Variants in RANBP2 observed in about 807,000 individuals in gnomAD.
RANBP2 encodes RAN binding protein 2.
RANBP2 carries 57 observed loss-of-function variants against 303.6 expected under a neutral mutation model. The observed-to-expected ratio is 0.19, with a 90% CI of 0.15 to 0.23. The LOEUF is 0.23. Ranked by LOEUF, RANBP2 falls within the 10% of genes least tolerant of loss-of-function variation. RANBP2 has a pLI of 1.00. For missense variants in RANBP2, 3,138 were observed against 3,780.8 expected (o/e 0.83, Z 4.46); for synonymous variants, 1,167 against 1,301.5 (o/e 0.90, Z 2.23).
At chr2:109,498,192 C>T in the RANBP2 span, among the ~76,000 whole-genome samples, 70 of 152,280 alleles carry the variant, frequency 4.6e-4, no homozygotes, top group Non-Finnish European at 8.2e-4. Context: ...GAGTCTGGTT[C>T]GCCGGCAGAT....
At chr2:109,163,430 G>C in the RANBP2 span, among the ~76,000 whole-genome samples, 2 of 105,802 alleles carry the variant, frequency 1.9e-5, no homozygotes, top group Non-Finnish European at 1.7e-5. Context: ...ACGGAGTCTC[G>C]CTCTGTCGCC....
At chr2:108,870,680 A>G in the RANBP2 span, among the ~76,000 whole-genome samples, 1 of 152,254 alleles carries the variant, frequency 6.6e-6, no homozygotes, top group African/African-American at 2.4e-5. Flanking sequence ...ATGCTACAGA[A>G]TGGATGAACC....
At chr2:109,306,814 T>A in the RANBP2 span, among the ~76,000 whole-genome samples, 1 of 152,188 alleles carries the variant, frequency 6.6e-6, no homozygotes, top group African/African-American at 2.4e-5. Flanking sequence ...TGATTACGTA[T>A]TTCCTAGGTT....
chr2:109,413,651 C>A, the RANBP2 span, among the ~76,000 whole-genome samples: 2 of 152,216 alleles, frequency 1.3e-5, no homozygotes, highest in African/African-American at 4.8e-5. Flanking sequence ...CCCCCACATT[C>A]CCCTCCCTAT....
chr2:109,538,900 T>C, the RANBP2 span, among the ~76,000 whole-genome samples: 1 of 152,244 alleles, frequency 6.6e-6, no homozygotes, highest in African/African-American at 2.4e-5. Context: ...CCTCTGTATT[T>C]TCAAATGTAT....
At chr2:109,319,314 C>T in the RANBP2 span, among the ~76,000 whole-genome samples, 1 of 152,206 alleles carries the variant, frequency 6.6e-6, no homozygotes, top group East Asian at 1.9e-4. Flanking sequence ...TTTATTTCCC[C>T]TCTTCCTAAG....
chr2:109,623,976 A>G, the RANBP2 span, among the ~76,000 whole-genome samples: 6 of 152,210 alleles, frequency 3.9e-5, no homozygotes. Context: ...CTTTGTGCCC[A>G]TTTAATTTTA....
chr2:108,745,379 A>G lies in RANBP2; in HGVS notation c.976-1332A>G, dbSNP rs1460695920. On this transcript the variant is annotated intron_variant, in intron 7 of 28. Transcript: ENST00000283195. ...TTCTAGTAAGTGGGCATTGCCTATG[A>G]CTGGACGTTTTCAGTGATGGACATT... Among the ~76,000 whole-genome samples, 4 of 147,472 alleles carry G rather than the reference A, an allele frequency of 2.7e-5. No individual in the cohort carries two copies. The East Asian group carries it at 7.8e-4, about 29-fold the overall frequency.
At chr2:109,304,867 A>T in the RANBP2 span, among the ~76,000 whole-genome samples, 1 of 152,184 alleles carries the variant, frequency 6.6e-6, no homozygotes, top group African/African-American at 2.4e-5. Flanking sequence ...TCAGAGAGCC[A>T]CCTTAGAAGA....
chr2:108,873,476 C>T, the RANBP2 span: 2 of 1,603,462 alleles, frequency 1.2e-6, no homozygotes, highest in Admixed American at 3.4e-5. Flanking sequence ...TCCTGGAAGC[C>T]TGTAGCAACT....
At chr2:109,434,479 G>A in the RANBP2 span, among the ~76,000 whole-genome samples, 5 of 152,316 alleles carry the variant, frequency 3.3e-5, no homozygotes, top group African/African-American at 9.6e-5. Context: ...CGCCTGGCCG[G>A]GCAACTCCTG....
At chr2:109,560,153 C>T in the RANBP2 span, among the ~76,000 whole-genome samples, 83 of 152,232 alleles carry the variant, frequency 5.5e-4, no homozygotes, top group African/African-American at 1.8e-3. Flanking sequence ...ATCTCCTGAC[C>T]TCGTGATCCG....
the RANBP2 span, among the ~76,000 whole-genome samples, chr2:109,231,193 A>G: frequency 3.3e-5 from 5 of 152,230 alleles, no homozygotes; most frequent in African/African-American, 1.2e-4. Flanking sequence ...GAAGTCTCGG[A>G]TGAACTGTCA....
the RANBP2 span, among the ~76,000 whole-genome samples, chr2:109,374,386 T>A: frequency 6.6e-6 from 1 of 152,200 alleles, no homozygotes; most frequent in African/African-American, 2.4e-5. Flanking sequence ...AACAGGTGTT[T>A]CCTGGGACTT....
At chr2:109,020,391 C>T in the RANBP2 span, among the ~76,000 whole-genome samples, 1 of 152,192 alleles carries the variant, frequency 6.6e-6, no homozygotes, top group East Asian at 1.9e-4. Context: ...TTACGTATAA[C>T]AGCCTCTCCA....
chr2:108,883,368 C>G, the RANBP2 span: 2 of 152,198 alleles, frequency 1.3e-5, no homozygotes, highest in South Asian at 2.1e-4. Flanking sequence ...TGAGCACTCA[C>G]CTGCACGGGG....
the RANBP2 span, among the ~76,000 whole-genome samples, chr2:109,300,536 T>A: frequency 2.6e-5 from 4 of 152,160 alleles, no homozygotes; most frequent in African/African-American, 4.8e-5. Context: ...CATGAATCCA[T>A]GCTCCAGAGA....
chr2:108,751,153 A>C, intron 9 of RANBP2, 111 bp from the exon 10 acceptor site: 1 of 1,521,834 alleles, frequency 6.6e-7, no homozygotes, highest in Non-Finnish European at 8.9e-7. Flanking sequence ...TTGATATAGA[A>C]AAGCAGTTAT....
At chr2:109,378,152 GCTCCTCT>G in the RANBP2 span, among the ~76,000 whole-genome samples, 1 of 152,214 alleles carries the variant, frequency 6.6e-6, no homozygotes, top group Admixed American at 6.5e-5. Flanking sequence ...CTGAACTGAG[GCTCCTCT>G]CTCCTCCGCA....
Sources: allele counts gnomAD v4.1 joint callset (sites outside exome capture counted in the v4.1 genomes callset), GRCh38; gene constraint gnomAD v4.1.1; transcripts MANE v1.5; gene names NCBI Gene and HGNC (gene_info 2026-07-23, HGNC 2026-07-21).